FOXL2: variants seen among roughly 807,000 people sequenced by gnomAD.
The protein encoded by FOXL2 is forkhead box protein L2.
In FOXL2, 3 loss-of-function variants were observed where a neutral mutation model predicts 2.5. That is an observed-to-expected ratio of 1.20 (90% CI 0.55 to 3.11). FOXL2 has a LOEUF of 3.11. Among genes scored for constraint, FOXL2 ranks in the 30% most tolerant of loss-of-function variants. The pLI is 0.03. For synonymous variants in FOXL2, 315 were observed against 269.4 expected (o/e 1.17, Z -1.66); for missense variants, 512 against 570.0 (o/e 0.90, Z 1.04).
rs2107743462 is a variant in FOXL2 at position 138,945,898 on chromosome 3, A to T, written c.825T>A (p.Asn275Lys). 1 of 1,298,428 alleles carries T rather than the reference A, an allele frequency of 7.7e-7. No individual in the cohort carries two copies. Among genetic ancestry groups the T allele is most frequent in the Non-Finnish European group, 9.7e-7 (1 of 1,030,794 alleles). The allele number at this position is 1,298,428 out of a possible 1,614,324, so 80.4% of individuals were successfully genotyped here. ...ALPPGVVNSY[N>K]GLGGPPAAPP... ...GTGCGGCCGGCGGGCCTCCCAGGCC[A>T]TTGTACGAGTTCACTACGCCGGGGG... is the stretch of plus-strand genomic sequence containing the variant. Residue 275 changes from asparagine to lysine, a missense_variant, in exon 1 of 1, where the codon AAT (asparagine) becomes AAA (lysine). Physicochemically the swap from Asn to Lys is moderately conservative, Grantham distance 94 (BLOSUM62 0). This residue lies in a region of FOXL2 where 287 missense variants were observed against 277.4 expected (regional missense o/e 1.03). Transcript: ENST00000648323.
chr3:138,946,731 C>A lies in FOXL2; in HGVS notation c.-9G>T. 1 of 1,560,280 alleles carries A rather than the reference C, an allele frequency of 6.4e-7. No individual in the cohort carries two copies. The highest frequency in any genetic ancestry group is 8.7e-7 in the Non-Finnish European group (1 of 1,153,108). On this transcript the variant is annotated 5_prime_UTR_variant, in exon 1 of 1. Coordinates refer to ENST00000648323, the MANE Select transcript of FOXL2 (RefSeq NM_023067.4). ...GGGTAGCTGGCCATCATGACAAAGCCGGCGCGCCGCGGCCGGGCCGCCTCT... is the reference window on the plus strand; with the variant it reads ...GGGTAGCTGGCCATCATGACAAAGCAGGCGCGCCGCGGCCGGGCCGCCTCT...
Position 138,944,518 on chromosome 3 carries a change from G to A in FOXL2, c.*1074C>T, listed in dbSNP as rs1196587496. ...CGTCCCAGCAGCGTGGGCCAGGCAG[G>A]CAGTGATCTCCCTGCCTCCAGGACT... On this transcript the variant is annotated 3_prime_UTR_variant, in exon 1 of 1. Transcript: ENST00000648323. 4.3e-6 allele frequency: 1 copy of A among 232,982 alleles called. No individual in the cohort carries two copies. The highest frequency in any genetic ancestry group is 2.2e-5 in the African/African-American group (1 of 45,322). The allele number at this position is 232,982 out of a possible 1,614,324, so 14.4% of individuals were successfully genotyped here. A position where few individuals can be genotyped will look rare whatever the true frequency, so the allele number is the denominator to read the frequency against.
chr3:138,945,243 GCACC>G lies in FOXL2; in HGVS notation c.*345_*348del. ...AGGTCTGCGCTGCCGACGCCCGGTC[GCACC>G]TCCGCCCCGGGCCCTTTCCGCGGTG... On this transcript the variant is annotated 3_prime_UTR_variant, in exon 1 of 1. Coordinates refer to ENST00000648323, the MANE Select transcript of FOXL2 (RefSeq NM_023067.4). 1.6e-4 allele frequency: 39 copies of G among 244,684 alleles called. No homozygotes were observed. The highest frequency in any genetic ancestry group is 9.7e-4 in the Admixed American group (18 of 18,514). 15.2% of individuals were successfully genotyped at this position (244,684 alleles called of 1,614,324 possible).
In FOXL2 at chr3:138,946,150, G is replaced by A. The variant is rs2107744020; in HGVS notation, c.573C>T (p.Pro191=). The A allele has an allele frequency of 2.0e-6, 3 of 1,485,050 alleles. No homozygotes were observed. The South Asian group carries it at 3.8e-5, about 19-fold the overall frequency. The allele number at this position is 1,485,050 out of a possible 1,614,324, so 92.0% of individuals were successfully genotyped here. ...AGADGYGYLA[P]PKYLQSGFLN... is the part of the protein sequence containing the mutation. ...GGAAGCCAGACTGCAGGTACTTGGG[G>A]GGCGCCAGGTAGCCGTAGCCGTCGG... The change falls in exon 1 of 1, where the codon CCC becomes CCT. Residue 191 remains proline, a synonymous_variant. Transcript: ENST00000648323.
In FOXL2 at chr3:138,944,968, A is replaced by T. The variant is rs1576468949; in HGVS notation, c.*624T>A. 3 of 232,934 alleles carry T rather than the reference A, an allele frequency of 1.3e-5. No homozygotes were observed. The East Asian group carries it at 1.8e-4, about 14-fold the overall frequency. 14.4% of individuals were successfully genotyped at this position (232,934 alleles called of 1,614,324 possible). On this transcript the variant is annotated 3_prime_UTR_variant, in exon 1 of 1. Coordinates refer to ENST00000648323, the MANE Select transcript of FOXL2 (RefSeq NM_023067.4). The stretch of plus-strand genomic sequence containing the variant: ...CCCGCCCGCGGTGTAAACCGAGTAC[A>T]GGCCGTGGAGCCAGGCTGCCCCGGC...
chr3:138,946,372 G>C lies in FOXL2; in HGVS notation c.351C>G (p.Arg117=), dbSNP rs1305170379. 1 of 1,614,064 alleles carries C rather than the reference G, an allele frequency of 6.2e-7. No individual in the cohort carries two copies. Among genetic ancestry groups the C allele is most frequent in the Non-Finnish European group, 8.5e-7 (1 of 1,179,968 alleles). ...TGCCCTTGCGCTCGCCGCCGCCCTC[G>C]CGCGGCACCTTGATGAAGCACTCGT... ...SLNECFIKVP[R]EGGGERKGNY... The change falls in exon 1 of 1, where the codon CGC becomes CGG. Residue 117 remains arginine (R), a synonymous_variant. Transcript: ENST00000648323.
chr3:138,946,980 C>T lies in FOXL2; in HGVS notation c.-258G>A. On this transcript the variant is annotated 5_prime_UTR_variant, in exon 1 of 1. Coordinates refer to ENST00000648323, the MANE Select transcript of FOXL2 (RefSeq NM_023067.4). The stretch of plus-strand genomic sequence containing the variant: ...GCCCAACAGAGAGGGGCTCCGGCCT[C>T]GCCGCCCCTCCCCGCTCAGGCCAGT... The T allele has an allele frequency of 1.8e-6, 1 of 556,096 alleles. No individual in the cohort carries two copies. Among genetic ancestry groups the T allele is most frequent in the Non-Finnish European group, 3.2e-6 (1 of 316,928 alleles). The allele number at this position is 556,096 out of a possible 1,614,324, so 34.4% of individuals were successfully genotyped here.
chr3:138,946,746 G>C lies in FOXL2; in HGVS notation c.-24C>G. ...ATGACAAAGCCGGCGCGCCGCGGCC[G>C]GGCCGCCTCTGCTCTCCGCTCCAGG... is the stretch of plus-strand genomic sequence containing the variant. On this transcript the variant is annotated 5_prime_UTR_variant, in exon 1 of 1. Coordinates refer to ENST00000648323, the MANE Select transcript of FOXL2 (RefSeq NM_023067.4). 1 of 1,552,962 alleles carries C rather than the reference G, an allele frequency of 6.4e-7. No homozygotes were observed. Among genetic ancestry groups the C allele is most frequent in the South Asian group, 1.2e-5 (1 of 84,782 alleles).
chr3:138,946,232 T>C lies in FOXL2; in HGVS notation c.491A>G (p.Lys164Arg). ...GGCGCCTCCGGCCCCGAAGAGCCCC[T>C]TGCCGGGCTGGAAGTGCGCGGGCGG... ...RPPPAHFQPG[K>R]GLFGAGGAAG... is the part of the protein sequence containing the mutation. Residue 164 changes from lysine to arginine, a missense_variant, in exon 1 of 1, where the codon AAG becomes AGG. Lys to Arg is a conservative substitution (Grantham distance 26, BLOSUM62 2). Transcript: ENST00000648323. 2 of 1,555,672 alleles carry C rather than the reference T, an allele frequency of 1.3e-6. No individual in the cohort carries two copies. Among genetic ancestry groups the C allele is most frequent in the South Asian group, 1.2e-5 (1 of 85,426 alleles).
At position 138,946,511 on chromosome 3, in the gene FOXL2, G is replaced by T. The variant is rs1306598987; in HGVS notation, c.212C>A (p.Ala71Glu). The T allele has an allele frequency of 6.2e-7, 1 of 1,613,872 alleles. No individual in the cohort carries two copies. Among genetic ancestry groups the T allele is most frequent in the South Asian group, 1.1e-5 (1 of 91,090 alleles). The change falls in exon 1 of 1, where the codon GCG (alanine) becomes GAG (glutamate). Residue 71 changes from alanine to glutamate, a missense_variant. Physicochemically the swap from Ala to Glu is moderately radical, Grantham distance 107 (BLOSUM62 -1). Coordinates refer to ENST00000648323, the MANE Select transcript of FOXL2 (RefSeq NM_023067.4). Reference protein sequence around the residue: ...ALIAMAIRESAEKRLTLSGIY... With the variant: ...ALIAMAIRESEEKRLTLSGIY... ...GCCGGACAGCGTGAGCCTCTTCTCC[G>T]CGCTCTCGCGGATCGCCATGGCGAT...
Position 138,944,405 on chromosome 3 carries a change from T to TA in FOXL2, c.*1186dup. On this transcript the variant is annotated 3_prime_UTR_variant, in exon 1 of 1. Coordinates refer to ENST00000648323, the MANE Select transcript of FOXL2 (RefSeq NM_023067.4). ...GCCGGCTCCGGGCCACAAGACCGCC[T>TA]AGGTCGGCCGCTGCCGGGTTTCACA... The TA allele has an allele frequency of 8.6e-6, 2 of 232,752 alleles. No individual in the cohort carries two copies. Among genetic ancestry groups the TA allele is most frequent in the Non-Finnish European group, 8.5e-6 (1 of 117,458 alleles). The allele number at this position is 232,752 out of a possible 1,614,324, so 14.4% of individuals were successfully genotyped here.
Position 138,946,971 on chromosome 3 carries a change from C to T in FOXL2, c.-249G>A. 3 of 574,850 alleles carry T rather than the reference C, an allele frequency of 5.2e-6. No individual in the cohort carries two copies. The highest frequency in any genetic ancestry group is 9.1e-6 in the Non-Finnish European group (3 of 330,336). The allele number at this position is 574,850 out of a possible 1,614,324, so 35.6% of individuals were successfully genotyped here. A position where few individuals can be genotyped will look rare whatever the true frequency, so the allele number is the denominator to read the frequency against. On this transcript the variant is annotated 5_prime_UTR_variant, in exon 1 of 1. Coordinates refer to ENST00000648323, the MANE Select transcript of FOXL2 (RefSeq NM_023067.4). ...GGGGAGTCCGCCCAACAGAGAGGGG[C>T]TCCGGCCTCGCCGCCCCTCCCCGCT...
In FOXL2 at chr3:138,946,267, G is replaced by A. The variant is rs1318989785; in HGVS notation, c.456C>T (p.Pro152=). 6.2e-7 allele frequency: 1 copy of A among 1,603,084 alleles called. No homozygotes were observed. Among genetic ancestry groups the A allele is most frequent in the South Asian group, 1.1e-5 (1 of 89,966 alleles). Residue 152 remains proline (P), a synonymous_variant, in exon 1 of 1, where the codon CCC becomes CCT. Transcript: ENST00000648323. ...GGAAGTGCGCGGGCGGCGGCCGGAA[G>A]GGCCTCTTCATGCGGCGGCGGCGCC... ...NYRRRRRMKR[P]FRPPPAHFQP... is the part of the protein sequence containing the mutation.
rs755036343 is a variant in FOXL2, at chr3:138,946,456, C to A, written c.267G>T (p.Pro89=). 6.8e-6 allele frequency: 11 copies of A among 1,614,044 alleles called. No homozygotes were observed. Among genetic ancestry groups the A allele is most frequent in the Non-Finnish European group, 9.3e-6 (11 of 1,180,026 alleles). Residue 89 remains proline (P), a synonymous_variant, in exon 1 of 1, where the codon CCG becomes CCT. Transcript: ENST00000648323. The stretch of plus-strand genomic sequence containing the variant: ...AGCCCTTCTTATTCTTCTCGTAGAA[C>A]GGGAACTTCGCGATGATGTACTGGT... ...GIYQYIIAKF[P]FYEKNKKGWQ...
Position 138,946,133 on chromosome 3 carries a change from G to C in FOXL2, c.590C>G (p.Ser197Cys), listed in dbSNP as rs2107743978. 1 of 1,484,986 alleles carries C rather than the reference G, an allele frequency of 6.7e-7. No individual in the cohort carries two copies. Among genetic ancestry groups the C allele is most frequent in the Non-Finnish European group, 8.9e-7 (1 of 1,125,488 alleles). The allele number at this position is 1,484,986 out of a possible 1,614,324, so 92.0% of individuals were successfully genotyped here. The change falls in exon 1 of 1, where the codon TCT (serine) becomes TGT (cysteine). Residue 197 changes from serine (S) to cysteine (C), a missense_variant. Around this residue, in one of 5 missense-constraint regions of FOXL2, gnomAD observed 287 missense variants for 277.4 expected, o/e 1.03. Coordinates refer to ENST00000648323, the MANE Select transcript of FOXL2 (RefSeq NM_023067.4). Reference protein sequence around the residue: ...GYLAPPKYLQSGFLNNSWPLP... With the variant: ...GYLAPPKYLQCGFLNNSWPLP... ...CGGCCACGAGTTGTTGAGGAAGCCA[G>C]ACTGCAGGTACTTGGGGGGCGCCAG...
Position 138,945,235 on chromosome 3 carries a change from G to GATGGAGATTGTGTAGAT in FOXL2, c.*356_*357insATCTACACAATCTCCAT. Reference sequence around the variant, plus strand: ...AGGCCAAGAGGTCTGCGCTGCCGACGCCCGGTCGCACCTCCGCCCCGGGCC... The same window carrying GATGGAGATTGTGTAGAT: ...AGGCCAAGAGGTCTGCGCTGCCGACGATGGAGATTGTGTAGATCCCGGTCGCACCTCCGCCCCGGGCC... On this transcript the variant is annotated 3_prime_UTR_variant, in exon 1 of 1. Transcript: ENST00000648323. 2 of 253,838 alleles carry GATGGAGATTGTGTAGAT rather than the reference G, an allele frequency of 7.9e-6. No individual in the cohort carries two copies. The highest frequency in any genetic ancestry group is 1.0e-4 in the Admixed American group (2 of 20,066). The allele number at this position is 253,838 out of a possible 1,614,324, so 15.7% of individuals were successfully genotyped here. A position where few individuals can be genotyped will look rare whatever the true frequency, so the allele number is the denominator to read the frequency against.
rs1380610158 is a variant in FOXL2, at chr3:138,945,513, G to T, written c.*79C>A. 6.5e-6 allele frequency: 10 copies of T among 1,548,370 alleles called. No homozygotes were observed. The highest frequency in any genetic ancestry group is 2.0e-4 in the Middle Eastern group (1 of 4,908). ...AGGGTGTGAGGTCAGGCTGGCGGCGGCGTCGTCGGCTGCGACCGGGGCCGG... is the reference window on the plus strand; with the variant it reads ...AGGGTGTGAGGTCAGGCTGGCGGCGTCGTCGTCGGCTGCGACCGGGGCCGG... On this transcript the variant is annotated 3_prime_UTR_variant, in exon 1 of 1. Coordinates refer to ENST00000648323, the MANE Select transcript of FOXL2 (RefSeq NM_023067.4).
Position 138,946,386 on chromosome 3 carries a change from T to G in FOXL2, c.337A>C (p.Ile113Leu). 6.2e-7 allele frequency: 1 copy of G among 1,614,094 alleles called. No homozygotes were observed. The highest frequency in any genetic ancestry group is 8.5e-7 in the Non-Finnish European group (1 of 1,179,982). ...RHNLSLNECF[I>L]KVPREGGGER... ...CCGCCGCCCTCGCGCGGCACCTTGATGAAGCACTCGTTGAGGCTGAGGTTG... is the reference window on the plus strand; with the variant it reads ...CCGCCGCCCTCGCGCGGCACCTTGAGGAAGCACTCGTTGAGGCTGAGGTTG... The change falls in exon 1 of 1, where the codon ATC becomes CTC. Residue 113 changes from isoleucine to leucine, a missense_variant. Around this residue, in one of 5 missense-constraint regions of FOXL2, gnomAD observed 63 missense variants for 138.9 expected, o/e 0.45. Coordinates refer to ENST00000648323, the MANE Select transcript of FOXL2 (RefSeq NM_023067.4).
In FOXL2 at chr3:138,945,977, G is replaced by A. The variant is rs770489949; in HGVS notation, c.746C>T (p.Ala249Val). 1 of 1,403,972 alleles carries A rather than the reference G, an allele frequency of 7.1e-7. No individual in the cohort carries two copies. Among genetic ancestry groups the A allele is most frequent in the Non-Finnish European group, 9.2e-7 (1 of 1,091,462 alleles). The allele number at this position is 1,403,972 out of a possible 1,614,324, so 87.0% of individuals were successfully genotyped here. Reference sequence around the variant, plus strand: ...CGGCCCGTACGAGGCGGCCGGGCCCGCCAGCCCCTTGACCACAGCGGCCGC... The same window carrying A: ...CGGCCCGTACGAGGCGGCCGGGCCCACCAGCCCCTTGACCACAGCGGCCGC... ...PGAAAVVKGL[A>V]GPAASYGPYT... Residue 249 changes from alanine (A) to valine (V), a missense_variant, in exon 1 of 1, where the codon GCG (alanine) becomes GTG (valine). This residue lies in a region of FOXL2 where 287 missense variants were observed against 277.4 expected (regional missense o/e 1.03). Coordinates refer to ENST00000648323, the MANE Select transcript of FOXL2 (RefSeq NM_023067.4).
Sources: allele counts gnomAD v4.1 joint callset, GRCh38; gene constraint gnomAD v4.1.1; regional missense constraint gnomAD v4.1.1; transcripts MANE v1.5; gene names NCBI Gene and HGNC (gene_info 2026-07-23, HGNC 2026-07-21).